NEDD9: variants seen among roughly 807,000 people sequenced by gnomAD.
NEDD9 encodes the protein neural precursor cell expressed, developmentally down-regulated 9.
In NEDD9, 26 loss-of-function variants were observed where a neutral mutation model predicts 76.6. The ratio of observed to expected loss-of-function variants is 0.34; its 90% CI spans 0.25 to 0.47. The LOEUF (loss-of-function observed/expected upper bound fraction) is 0.47. Among genes scored for constraint, NEDD9 ranks in the 20% least tolerant of loss-of-function variants. NEDD9 has a pLI of 1.00. For missense variants in NEDD9, 937 were observed against 1,058.5 expected (o/e 0.89, Z 1.59); for synonymous variants, 392 against 414.2 (o/e 0.95, Z 0.65).
chr6:11,287,524 CCACACACACA>C (rs58610423), intron 3 of NEDD9, among the ~76,000 whole-genome samples: 268 of 148,632 alleles, frequency 1.8e-3, no homozygotes, highest in Non-Finnish European at 2.2e-3. Flanking sequence ...GTGCACAAAT[CCACACACACA>C]CACACACACA....
At chr6:11,361,169 G>A (rs1006185215) in intron 1 of NEDD9, among the ~76,000 whole-genome samples, 2 of 152,206 alleles carry the variant, frequency 1.3e-5, no homozygotes, top group African/African-American at 4.8e-5. Context: ...ACAGCTGTGT[G>A]CTCAGACAGC....
intron 3 of NEDD9, among the ~76,000 whole-genome samples, chr6:11,257,728 T>C (rs897943565): frequency 6.6e-6 from 1 of 151,924 alleles, no homozygotes; most frequent in Non-Finnish European, 1.5e-5. Context: ...AGGCTTCTCA[T>C]TTCTGCCTTC....
chr6:11,224,407 T>G (rs1229190569), intron 1 of NEDD9, among the ~76,000 whole-genome samples: 1 of 152,158 alleles, frequency 6.6e-6, no homozygotes, highest in East Asian at 1.9e-4. Context: ...AAAGGTGTGC[T>G]TGTCATGCTG....
chr6:11,347,369 C>T (rs1762382150), intron 1 of NEDD9, among the ~76,000 whole-genome samples: 1 of 152,160 alleles, frequency 6.6e-6, no homozygotes, highest in Non-Finnish European at 1.5e-5. Flanking sequence ...AGAGCTGGTA[C>T]TGAAACTGTT....
chr6:11,197,813 C>G (rs1450595122), intron 2 of NEDD9, among the ~76,000 whole-genome samples: 2 of 152,164 alleles, frequency 1.3e-5, no homozygotes, highest in South Asian at 2.1e-4. Context: ...GCTTTTGACA[C>G]TTTCATGCCT....
rs755994496 is a variant in NEDD9 at position 11,190,036 on chromosome 6, C to T, written c.1833G>A (p.Gln611=). Residue 611 remains glutamine (Q), a synonymous_variant, in exon 5 of 7, where the codon CAG becomes CAA. Transcript: ENST00000379446. This position sits in a 1 kb window ranked among gnomAD's most constrained non-coding sequence, Gnocchi z 5.8. The part of the protein sequence containing the change: ...KALPPGLSKE[Q]APDCSSSDGS... ...CATCACTGCTGCTACAGTCAGGGGC[C>T]TGCTCCTTGCTCAGGCCTGGGGGCA... The T allele has an allele frequency of 6.4e-7, 1 of 1,564,394 alleles. No homozygotes were observed. Among genetic ancestry groups the T allele is most frequent in the Non-Finnish European group, 8.7e-7 (1 of 1,155,098 alleles).
At chr6:11,378,319 G>C (rs1410215810) in intron 1 of NEDD9, among the ~76,000 whole-genome samples, 1 of 152,158 alleles carries the variant, frequency 6.6e-6, no homozygotes, top group East Asian at 1.9e-4. Context: ...TGTGATGCTG[G>C]CTCCCCCTTC....
At chr6:11,320,915 ATGTG>A (rs1471524324) in intron 2 of NEDD9, among the ~76,000 whole-genome samples, 1 of 151,820 alleles carries the variant, frequency 6.6e-6, no homozygotes, top group Non-Finnish European at 1.5e-5. Flanking sequence ...GTGTGTATGA[ATGTG>A]TGTATGGCAG....
At chr6:11,312,047 C>T (rs1304397908) in intron 2 of NEDD9, among the ~76,000 whole-genome samples, 1 of 152,054 alleles carries the variant, frequency 6.6e-6, no homozygotes, top group Non-Finnish European at 1.5e-5. Flanking sequence ...CCAGTTCTGT[C>T]CTCAGCCTCC....
At chr6:11,229,632 G>A (rs1406731196) in intron 1 of NEDD9, among the ~76,000 whole-genome samples, 1 of 152,194 alleles carries the variant, frequency 6.6e-6, no homozygotes, top group Non-Finnish European at 1.5e-5. Context: ...GGATTTTGTA[G>A]AAAATTCTTA....
intron 1 of NEDD9, 102 bp downstream of exon 1, chr6:11,232,402 G>A: frequency 7.0e-7 from 1 of 1,431,552 alleles, no homozygotes. Flanking sequence ...GAACTCTCCG[G>A]GACACACAAG....
intron 3 of NEDD9, among the ~76,000 whole-genome samples, chr6:11,282,844 G>T (rs150451683): frequency 6.6e-6 from 1 of 152,176 alleles, no homozygotes; most frequent in African/African-American, 2.4e-5. Context: ...ATCGGCCCAA[G>T]TGATTTTTCT....
At chr6:11,299,949 T>C (rs2113399388) in intron 3 of NEDD9, among the ~76,000 whole-genome samples, 1 of 152,274 alleles carries the variant, frequency 6.6e-6, no homozygotes, top group Non-Finnish European at 1.5e-5. Context: ...AGAGTGCCTC[T>C]TCTCCTCCAA....
chr6:11,251,059 G>A (rs1169476748), intron 3 of NEDD9, among the ~76,000 whole-genome samples: 1 of 152,170 alleles, frequency 6.6e-6, no homozygotes, highest in Non-Finnish European at 1.5e-5. Context: ...TGTTTAATTT[G>A]AGCTTTAAAG....
At chr6:11,355,514 T>C (rs1481339907) in intron 1 of NEDD9, among the ~76,000 whole-genome samples, 1 of 152,160 alleles carries the variant, frequency 6.6e-6, no homozygotes, top group Non-Finnish European at 1.5e-5. Flanking sequence ...TCTGGGACTG[T>C]CCCTGTTTTA....
upstream of NEDD9, among the ~76,000 whole-genome samples, chr6:11,234,573 G>A (rs1759560751): frequency 6.6e-6 from 1 of 152,106 alleles, no homozygotes; most frequent in Non-Finnish European, 1.5e-5. Context: ...TTTCTGTCCT[G>A]TAAGGTAAGT....
intron 3 of NEDD9, among the ~76,000 whole-genome samples, chr6:11,272,527 G>A (rs1760330242): frequency 6.6e-6 from 1 of 152,116 alleles, no homozygotes; most frequent in Admixed American, 6.5e-5. Context: ...CAAAAGAAGG[G>A]GCAAAAGAAG....
In NEDD9 at chr6:11,215,148, C is replaced by T. The variant is rs114193299; in HGVS notation, c.13-1421G>A. Among the ~76,000 whole-genome samples, 1,403 of 152,246 alleles carry T rather than the reference C, an allele frequency of 9.2e-3. 15 individuals are homozygous for T. Among genetic ancestry groups the T allele is most frequent in the Admixed American group, 0.013 (193 of 15,292 alleles). On this transcript the variant is annotated intron_variant, in intron 1 of 6. Coordinates refer to ENST00000379446, the MANE Select transcript of NEDD9 (RefSeq NM_006403.4). Reference sequence around the variant, plus strand: ...TCTGCCCTCTATTCAGTAGTTGGGACGGGTCCAGTTCTGCTGCTGTGAGCC... The same window carrying T: ...TCTGCCCTCTATTCAGTAGTTGGGATGGGTCCAGTTCTGCTGCTGTGAGCC...
At chr6:11,345,876 C>G (rs771567343) in intron 1 of NEDD9, among the ~76,000 whole-genome samples, 17 of 152,240 alleles carry the variant, frequency 1.1e-4, no homozygotes, top group Non-Finnish European at 2.5e-4. Flanking sequence ...ACCACCATTC[C>G]CTGGCTCATG....
Sources: gnomAD v4.1 joint callset for allele counts (sites outside exome capture counted in the v4.1 genomes callset) on GRCh38, gnomAD v4.1.1 for gene constraint, Gnocchi (gnomAD v3.1) non-coding constraint, MANE v1.5 for transcripts, NCBI Gene and HGNC (gene_info 2026-07-23, HGNC 2026-07-21) for gene names.